Variants in SMARCA2 observed in about 807,000 individuals in gnomAD.
The protein encoded by SMARCA2 is SWI/SNF-related matrix-associated actin-dependent regulator of chromatin subfamily A member 2.
Under a neutral mutation model 199.8 loss-of-function variants are expected in SMARCA2, and 61 were observed. The ratio of observed to expected loss-of-function variants is 0.31; its 90% CI spans 0.25 to 0.38. The LOEUF is 0.38. Among genes scored for constraint, SMARCA2 ranks in the 10% least tolerant of loss-of-function variants. The pLI is 1.00. For missense variants in SMARCA2, 1,344 were observed against 2,012.2 expected (o/e 0.67, Z 6.35); for synonymous variants, 935 against 732.0 (o/e 1.28, Z -4.48).
chr9:2,118,627 C>T (rs1472153673), intron 25 of SMARCA2, among the ~76,000 whole-genome samples: 1 of 152,168 alleles, frequency 6.6e-6, no homozygotes, highest in Admixed American at 6.5e-5. Flanking sequence ...GAAGATAAAT[C>T]CTGAAGCATA....
At chr9:2,108,164 C>T (rs1241504644) in intron 23 of SMARCA2, among the ~76,000 whole-genome samples, 1 of 152,194 alleles carries the variant, frequency 6.6e-6, no homozygotes, top group Non-Finnish European at 1.5e-5. Context: ...CTCTTGGGCA[C>T]TTGCGCTCAG....
In SMARCA2 at chr9:2,193,521, G is replaced by A. The variant is rs1056878965; in HGVS notation, c.*782G>A. The A allele has an allele frequency of 6.6e-6, 1 of 152,616 alleles. No individual in the cohort carries two copies. The highest frequency in any genetic ancestry group is 1.5e-5 in the Non-Finnish European group (1 of 68,038). The allele number at this position is 152,616 out of a possible 1,614,324, so 9.5% of individuals were successfully genotyped here. On this transcript the variant is annotated 3_prime_UTR_variant, in exon 34 of 34. Transcript: ENST00000349721. ...TTAATCTTTGCTTTCTTTGCACAAT[G>A]TCTTTGGTTGCAAGTCATAAGCCTG...
In SMARCA2 at chr9:2,056,962, A is replaced by G; in HGVS notation, c.1347+117A>G. On this transcript the variant is annotated intron_variant, in intron 7 of 33. Coordinates refer to ENST00000349721, the MANE Select transcript of SMARCA2 (RefSeq NM_003070.5). The surrounding 1 kb of genome is among the most constrained non-coding windows in gnomAD (Gnocchi z 4.0). ...CTTGTGGGTGGTGGGGACATCACAG[A>G]ACAGAACGGTTCCTTGACATGTACA... is the stretch of plus-strand genomic sequence containing the variant. The G allele has an allele frequency of 1.2e-6, 1 of 832,366 alleles. No homozygotes were observed. Among genetic ancestry groups the G allele is most frequent in the Non-Finnish European group, 1.9e-6 (1 of 535,684 alleles). The allele number at this position is 832,366 out of a possible 1,614,324, so 51.6% of individuals were successfully genotyped here.
At chr9:2,129,628 C>T (rs983428197) in intron 27 of SMARCA2, among the ~76,000 whole-genome samples, 2 of 152,086 alleles carry the variant, frequency 1.3e-5, no homozygotes, top group Non-Finnish European at 2.9e-5. Flanking sequence ...GATTGTCGGC[C>T]ACATGCTTGA....
At chr9:2,179,717 T>A (rs763323763) in intron 29 of SMARCA2, among the ~76,000 whole-genome samples, 1 of 152,132 alleles carries the variant, frequency 6.6e-6, no homozygotes. Context: ...TGTACAGAGA[T>A]GTGCCTGTAC....
chr9:2,044,847 T>C (rs1162674024), intron 4 of SMARCA2: 1 of 152,210 alleles, frequency 6.6e-6, no homozygotes. Context: ...TCTTTCAGTG[T>C]TACAGGTGAA....
intron 27 of SMARCA2, chr9:2,160,767 A>G (rs1825626998): frequency 7.4e-6 from 3 of 406,610 alleles, no homozygotes; most frequent in African/African-American, 2.1e-5. Flanking sequence ...TAATTTAAAG[A>G]TCTTTTTTTT....
At chr9:2,134,003 C>A (rs539761812) in intron 27 of SMARCA2, among the ~76,000 whole-genome samples, 2 of 152,216 alleles carry the variant, frequency 1.3e-5, no homozygotes, top group African/African-American at 4.8e-5. Flanking sequence ...ATAGAACCTA[C>A]TTGATAGGGT....
chr9:2,122,486 C>T (rs10733369), intron 26 of SMARCA2, among the ~76,000 whole-genome samples: 31,588 of 152,036 alleles, frequency 0.21, 5,258 homozygotes, highest in African/African-American at 0.44. Context: ...GATTAAGCAT[C>T]GTGAGCTAAT....
chr9:2,153,017 C>T (rs921683616), intron 27 of SMARCA2, among the ~76,000 whole-genome samples: 7 of 151,870 alleles, frequency 4.6e-5, no homozygotes, highest in Admixed American at 6.6e-5. Flanking sequence ...ATCAAGAAAA[C>T]GATGAAGATG....
rs1827977244 is a variant in SMARCA2 at position 2,192,751 on chromosome 9, CT to C, written c.*17del. On this transcript the variant is annotated 3_prime_UTR_variant, in exon 34 of 34. Transcript: ENST00000349721. ...CGGATGATGAGTGATCAGTATGGAC[CT>C]TTTTCCTTGGTAGAACTGAATTCCT... is the stretch of plus-strand genomic sequence containing the variant. 22 of 1,599,030 alleles carry C rather than the reference CT, an allele frequency of 1.4e-5. No homozygotes were observed. Among genetic ancestry groups the C allele is most frequent in the Non-Finnish European group, 1.8e-5 (21 of 1,166,578 alleles).
chr9:2,104,919 G>A lies in SMARCA2; in HGVS notation c.3292+750G>A, dbSNP rs1216096356. Among the ~76,000 whole-genome samples, 1 of 152,162 alleles carries A rather than the reference G, an allele frequency of 6.6e-6. No individual in the cohort carries two copies. Among genetic ancestry groups the A allele is most frequent in the Non-Finnish European group, 1.5e-5 (1 of 68,018 alleles). On this transcript the variant is annotated intron_variant, in intron 23 of 33. Transcript: ENST00000349721. This position sits in a 1 kb window ranked among gnomAD's most constrained non-coding sequence, Gnocchi z 4.0. ...ATTCAAAGAGTGGTAAGTAGGAATAGAAGTTAATTTACAGTCAGGATGCTA... is the reference window on the plus strand; with the variant it reads ...ATTCAAAGAGTGGTAAGTAGGAATAAAAGTTAATTTACAGTCAGGATGCTA...
chr9:2,128,226 C>T (rs944486469), intron 27 of SMARCA2, among the ~76,000 whole-genome samples: 2 of 152,198 alleles, frequency 1.3e-5, no homozygotes, highest in African/African-American at 4.8e-5. Context: ...CCATGGGTCT[C>T]CACTGATCTC....
chr9:2,121,532 A>C (rs1273557168), intron 26 of SMARCA2, among the ~76,000 whole-genome samples: 3 of 152,234 alleles, frequency 2.0e-5, no homozygotes, highest in African/African-American at 7.2e-5. Flanking sequence ...ACAGATTAAA[A>C]AGTTTGGTGA....
chr9:2,138,491 C>G (rs1384942608), intron 27 of SMARCA2, among the ~76,000 whole-genome samples: 1 of 152,174 alleles, frequency 6.6e-6, no homozygotes, highest in African/African-American at 2.4e-5. Context: ...ATATCTTTCC[C>G]TTGGACCTTT....
chr9:2,097,327 C>A, intron 20 of SMARCA2, 58 bp from the exon 21 acceptor site: 2 of 1,122,414 alleles, frequency 1.8e-6, no homozygotes, highest in Non-Finnish European at 2.7e-6. Context: ...TGTGAAGGAT[C>A]TGAAATGTCT....
intron 1 of SMARCA2, among the ~76,000 whole-genome samples, chr9:2,019,892 T>C (rs1818527820): frequency 6.6e-6 from 1 of 152,148 alleles, no homozygotes; most frequent in Admixed American, 6.5e-5. Flanking sequence ...CAGCAGCTTT[T>C]TGATACCCCA....
chr9:2,151,162 T>G (rs1422720811), intron 27 of SMARCA2, among the ~76,000 whole-genome samples: 1 of 151,504 alleles, frequency 6.6e-6, no homozygotes, highest in Non-Finnish European at 1.5e-5. Flanking sequence ...ATCATATCAC[T>G]TCTCAGAATC....
intron 21 of SMARCA2, among the ~76,000 whole-genome samples, chr9:2,098,291 T>A (rs1180777571): frequency 1.3e-5 from 2 of 152,246 alleles, no homozygotes; most frequent in East Asian, 1.9e-4. Flanking sequence ...CAATTTATTT[T>A]AAAAAATACA....
Sources: gnomAD v4.1 joint callset for allele counts (sites outside exome capture counted in the v4.1 genomes callset) on GRCh38, gnomAD v4.1.1 for gene constraint, Gnocchi (gnomAD v3.1) non-coding constraint, MANE v1.5 for transcripts, NCBI Gene and HGNC (gene_info 2026-07-23, HGNC 2026-07-21) for gene names.